Variants in PPP3R1 observed in about 807,000 individuals in gnomAD.
The protein encoded by PPP3R1 is calcineurin subunit B type 1.
A neutral mutation model predicts 22.6 loss-of-function variants in PPP3R1; 5 were observed. The ratio of observed to expected loss-of-function variants is 0.22; its 90% CI spans 0.12 to 0.46. The LOEUF is 0.46. Ranked by LOEUF, PPP3R1 falls within the 20% of genes least tolerant of loss-of-function variation. The pLI, the probability that PPP3R1 is intolerant of heterozygous loss-of-function variation, is 0.99. For missense variants in PPP3R1, 61 were observed against 203.2 expected (o/e 0.30, Z 4.25); for synonymous variants, 56 against 65.2 (o/e 0.86, Z 0.68).
intron 2 of PPP3R1, among the ~76,000 whole-genome samples, chr2:68,198,345 GTATATGCATATATATGTACATATATGTA>G (rs2103739693): frequency 5.3e-5 from 3 of 56,778 alleles, no homozygotes; most frequent in African/African-American, 2.7e-4. Flanking sequence ...ATATGTACAT[GTATATGCATATATATGTACATATATGTA>G]CATGTATATG....
chr2:68,216,751 G>A (rs879805676), intron 2 of PPP3R1, among the ~76,000 whole-genome samples: 2 of 152,152 alleles, frequency 1.3e-5, no homozygotes, highest in African/African-American at 2.4e-5. Context: ...GGATCACTGA[G>A]TCACCAAAGA....
chr2:68,205,304 G>A (rs897638516), intron 2 of PPP3R1, among the ~76,000 whole-genome samples: 4 of 147,426 alleles, frequency 2.7e-5, no homozygotes, highest in Admixed American at 6.9e-5. Context: ...GTGCAATGGC[G>A]CAATCTCAGC....
At chr2:68,183,968 A>G (rs1221869271) in intron 5 of PPP3R1, among the ~76,000 whole-genome samples, 1 of 152,188 alleles carries the variant, frequency 6.6e-6, no homozygotes, top group Non-Finnish European at 1.5e-5. Flanking sequence ...TAGACAGTGT[A>G]AGTCCAGCTG....
At chr2:68,229,299 C>G (rs1406153327) in intron 1 of PPP3R1, among the ~76,000 whole-genome samples, 2 of 152,192 alleles carry the variant, frequency 1.3e-5, no homozygotes, top group African/African-American at 4.8e-5. Context: ...AGGCATGAAC[C>G]ACCATGCCCA....
At chr2:68,182,023 A>G (rs1674415820) in intron 5 of PPP3R1, among the ~76,000 whole-genome samples, 1 of 150,892 alleles carries the variant, frequency 6.6e-6, no homozygotes, top group African/African-American at 2.4e-5. Flanking sequence ...TAAACACCCA[A>G]TAACCAGCAC....
intron 2 of PPP3R1, among the ~76,000 whole-genome samples, chr2:68,207,204 TAGTC>T (rs761583108): frequency 3.1e-4 from 39 of 126,524 alleles, no homozygotes; most frequent in East Asian, 2.9e-3. Flanking sequence ...TTGATCCAAA[TAGTC>T]AGGAAAATAT....
chr2:68,208,314 A>G (rs1266037817), intron 2 of PPP3R1, among the ~76,000 whole-genome samples: 2 of 152,214 alleles, frequency 1.3e-5, no homozygotes, highest in Non-Finnish European at 2.9e-5. Context: ...GAAGCCCACT[A>G]TAGTCTACAA....
At chr2:68,217,645 A>G (rs2103772072) in intron 1 of PPP3R1, among the ~76,000 whole-genome samples, 2 of 152,284 alleles carry the variant, frequency 1.3e-5, no homozygotes, top group Middle Eastern at 3.4e-3. Flanking sequence ...TAAAATAAGA[A>G]AAACATTAAT....
intron 2 of PPP3R1, among the ~76,000 whole-genome samples, chr2:68,209,427 A>G (rs576706464): frequency 6.6e-6 from 1 of 150,690 alleles, no homozygotes; most frequent in East Asian, 1.9e-4. Context: ...AAATTAATAA[A>G]TAAGTAATTT....
At chr2:68,185,566 T>C (rs1674530209) in intron 5 of PPP3R1, among the ~76,000 whole-genome samples, 1 of 151,118 alleles carries the variant, frequency 6.6e-6, no homozygotes, top group Non-Finnish European at 1.5e-5. Flanking sequence ...GAATTTTCCA[T>C]TTATTTTATT....
chr2:68,209,881 T>C (rs1411430653), intron 2 of PPP3R1, among the ~76,000 whole-genome samples: 2 of 151,788 alleles, frequency 1.3e-5, no homozygotes, highest in Non-Finnish European at 2.9e-5. Context: ...ATGAAGTCAG[T>C]CAAATAAAGA....
intron 1 of PPP3R1, among the ~76,000 whole-genome samples, chr2:68,247,021 T>A (rs982116358): frequency 1.4e-5 from 2 of 142,892 alleles, no homozygotes; most frequent in Non-Finnish European, 3.0e-5. Context: ...AGTCACACAA[T>A]CTTGGCTCAC....
chr2:68,183,755 C>A lies in PPP3R1; in HGVS notation c.465+2713G>T, dbSNP rs540425410. On this transcript the variant is annotated intron_variant, in intron 5 of 5. Transcript: ENST00000234310. ...TTTGTTTTGAACTTATTTTTTTGGACCTGGTTTCATCTTTATATTCCATAC... is the reference window on the plus strand; with the variant it reads ...TTTGTTTTGAACTTATTTTTTTGGAACTGGTTTCATCTTTATATTCCATAC... Among the ~76,000 whole-genome samples the A allele has an allele frequency of 3.3e-5, 5 of 152,064 alleles. No homozygotes were observed. The South Asian group carries it at 6.2e-4, about 19-fold the overall frequency.
At chr2:68,183,887 G>A (rs1352505125) in intron 5 of PPP3R1, among the ~76,000 whole-genome samples, 2 of 152,170 alleles carry the variant, frequency 1.3e-5, no homozygotes, top group African/African-American at 4.8e-5. Context: ...GCTATACTTT[G>A]AATGATCTGG....
At chr2:68,235,888 T>G (rs1670010305) in intron 1 of PPP3R1, among the ~76,000 whole-genome samples, 1 of 152,148 alleles carries the variant, frequency 6.6e-6, no homozygotes, top group Admixed American at 6.5e-5. Context: ...ACAATCCTAG[T>G]GGGTGTGAAG....
chr2:68,246,064 T>G (rs376278804), intron 1 of PPP3R1, among the ~76,000 whole-genome samples: 49 of 135,206 alleles, frequency 3.6e-4, no homozygotes, highest in African/African-American at 1.3e-3. Context: ...TTTTTCTTTC[T>G]TTCTTTTTTT....
chr2:68,201,858 CCTATT>C (rs1238095393), intron 2 of PPP3R1, among the ~76,000 whole-genome samples: 5 of 152,170 alleles, frequency 3.3e-5, no homozygotes, highest in African/African-American at 1.2e-4. Flanking sequence ...CCAGCGGACT[CCTATT>C]CTTTTTAGGT....
rs1553408844 is a variant in PPP3R1 at position 68,232,108 on chromosome 2, AAT to A, written c.4-14979_4-14978del. On this transcript the variant is annotated intron_variant, in intron 1 of 5. Transcript: ENST00000234310. The stretch of plus-strand genomic sequence containing the variant: ...TACCCGTATCTACTAAAAAAAAAAA[AAT>A]ATATATATATATATACACACACACA... Among the ~76,000 whole-genome samples, 67 of 89,824 alleles carry A rather than the reference AAT, an allele frequency of 7.5e-4. 2 individuals carry two copies. The highest frequency in any genetic ancestry group is 2.9e-3 in the East Asian group (9 of 3,056). 58.9% of individuals were successfully genotyped at this position (89,824 alleles called of 152,430 possible). A position where few individuals can be genotyped will look rare whatever the true frequency, so the allele number is the denominator to read the frequency against.
intron 1 of PPP3R1, among the ~76,000 whole-genome samples, chr2:68,239,993 G>A (rs142624552): frequency 4.5e-4 from 68 of 152,306 alleles, no homozygotes; most frequent in African/African-American, 1.6e-3. Context: ...AACAGGCTTT[G>A]TGTTATCTAT....
Sources: gnomAD v4.1 joint callset for allele counts (sites outside exome capture counted in the v4.1 genomes callset) on GRCh38, gnomAD v4.1.1 for gene constraint, MANE v1.5 for transcripts, NCBI Gene and HGNC (gene_info 2026-07-23, HGNC 2026-07-21) for gene names.